Variants in INCA1 observed in about 807,000 individuals in gnomAD.
The protein encoded by INCA1 is inhibitor of CDK, cyclin A1 interacting protein 1, also known as protein INCA1.
In INCA1, 28 loss-of-function variants were observed where a neutral mutation model predicts 25.7. That is an observed-to-expected ratio of 1.09 (90% CI 0.81 to 1.49). INCA1 has a LOEUF of 1.49. Among genes scored for constraint, INCA1 ranks in the 40% most tolerant of loss-of-function variants. The pLI is 0.00. For missense variants in INCA1, 309 were observed against 290.9 expected, an observed-to-expected ratio of 1.06 and a Z score of -0.45; for synonymous variants, 111 against 103.6, an observed-to-expected ratio of 1.07 and a Z score of -0.43.
Position 4,988,924 on chromosome 17 carries a change from CCCCA to C in INCA1, c.412_415del (p.Trp138AlafsTer108). On this transcript the variant is annotated frameshift_variant, in exon 6 of 7. Coordinates refer to ENST00000576820, the Ensembl canonical transcript of INCA1. LOFTEE classifies it high-confidence loss of function. ...TGGCTCAGATGCAGCCCCAGAGCTG[CCCCA>C]CTGGGCCTTCTTCAGTCTGTGGAGA... 6.2e-7 allele frequency: 1 copy of C among 1,613,982 alleles called. No homozygotes were observed. Among genetic ancestry groups the C allele is most frequent in the Non-Finnish European group, 8.5e-7 (1 of 1,179,970 alleles).
chr17:4,991,327 A>C (rs1224021190), intron 2 of INCA1, among the ~76,000 whole-genome samples: 1 of 152,190 alleles, frequency 6.6e-6, no homozygotes, highest in African/African-American at 2.4e-5. Context: ...AGAGAAGGTA[A>C]TATTTAGCAA....
chr17:4,990,909 T>C (rs961169115), intron 2 of INCA1, among the ~76,000 whole-genome samples: 2 of 150,654 alleles, frequency 1.3e-5, no homozygotes, highest in African/African-American at 4.9e-5. Flanking sequence ...AAAAATCTCA[T>C]AATATTTTAT....
chr17:4,993,024 C>T (rs1353353981), intron 2 of INCA1, among the ~76,000 whole-genome samples: 3 of 151,882 alleles, frequency 2.0e-5, no homozygotes, highest in African/African-American at 7.3e-5. Flanking sequence ...GGATTATAGG[C>T]ACCCGCCACC....
chr17:4,988,153 CAG>C (rs778437617), downstream of INCA1: 5 of 387,316 alleles, frequency 1.3e-5, no homozygotes, highest in Non-Finnish European at 4.6e-6. Context: ...TTTTTAATAA[CAG>C]AGCAGAGAGA....
chr17:4,994,481 A>T lies in INCA1; in HGVS notation c.-38-6T>A. 6.2e-7 allele frequency: 1 copy of T among 1,605,474 alleles called. No individual in the cohort carries two copies. ...AGTTAGTCTCCTTTTTGGTGCTGGGAGGATAATGGAAAAGAAGTCATTCAT... is the reference window on the plus strand; with the variant it reads ...AGTTAGTCTCCTTTTTGGTGCTGGGTGGATAATGGAAAAGAAGTCATTCAT... On this transcript the variant is annotated splice_region_variant and splice_polypyrimidine_tract_variant and intron_variant, in intron 1 of 6. Transcript: ENST00000576820.
chr17:4,997,313 G>A (rs1011629436), upstream of INCA1, among the ~76,000 whole-genome samples: 1 of 152,194 alleles, frequency 6.6e-6, no homozygotes, highest in African/African-American at 2.4e-5. Context: ...CCAGGCTGAA[G>A]GGCAGGCTGG....
chr17:4,991,964 C>G (rs983282966), intron 2 of INCA1, among the ~76,000 whole-genome samples: 10 of 152,112 alleles, frequency 6.6e-5, no homozygotes, highest in Admixed American at 6.6e-5. Flanking sequence ...CTCTTCCCCC[C>G]GTCTCTGCTT....
At position 4,990,291 on chromosome 17, in the gene INCA1, G is replaced by A. The variant is rs141012260; in HGVS notation, c.45-26C>T. ...CTGAGGTGAGGACAAGGTAGGCTCGGGTCTGGCTCTTCCCTTACAGCAGTC... is the reference window on the plus strand; with the variant it reads ...CTGAGGTGAGGACAAGGTAGGCTCGAGTCTGGCTCTTCCCTTACAGCAGTC... On this transcript the variant is annotated intron_variant, in intron 2 of 6. Transcript: ENST00000576820. 102 of 1,598,970 alleles carry A rather than the reference G, an allele frequency of 6.4e-5. No individual in the cohort carries two copies. In the East Asian group the frequency reaches 2.2e-3, roughly 34 times the overall value.
intron 5 of INCA1, 40 bp downstream of exon 5, chr17:4,989,388 C>A: frequency 6.3e-7 from 1 of 1,576,518 alleles, no homozygotes; most frequent in South Asian, 1.1e-5. Flanking sequence ...GCCCCCAAAT[C>A]CTGCATGACT....
chr17:4,988,759 C>T lies in INCA1; in HGVS notation c.561+20G>A, dbSNP rs1464642472. ...ACCCACATCACTCCCTCACTCCACC[C>T]AGTTCCACTCCAACAATACCTGGGC... On this transcript the variant is annotated intron_variant, in intron 6 of 6. Transcript: ENST00000576820. 6.2e-7 allele frequency: 1 copy of T among 1,613,960 alleles called. No homozygotes were observed. The highest frequency in any genetic ancestry group is 8.5e-7 in the Non-Finnish European group (1 of 1,179,852).
chr17:4,990,061 C>G (rs1254028094), intron 3 of INCA1, 91 bp downstream of exon 3: 8 of 1,610,684 alleles, frequency 5.0e-6, no homozygotes, highest in Non-Finnish European at 6.8e-6. Flanking sequence ...GGAAATTAAC[C>G]GCAGACTAGG....
At chr17:4,989,301 C>G in intron 5 of INCA1, 127 bp downstream of exon 5, 1 of 879,522 alleles carries the variant, frequency 1.1e-6, no homozygotes, top group Middle Eastern at 3.4e-4. Context: ...CAGCTTCCTT[C>G]CAAGCAACCT....
At chr17:4,990,988 G>A (rs1419759997) in intron 2 of INCA1, among the ~76,000 whole-genome samples, 1 of 150,274 alleles carries the variant, frequency 6.7e-6, no homozygotes, top group Non-Finnish European at 1.5e-5. Context: ...GCACGATCTC[G>A]GCTCACTGCA....
intron 2 of INCA1, among the ~76,000 whole-genome samples, chr17:4,991,148 C>T (rs1433144575): frequency 6.6e-6 from 1 of 152,030 alleles, no homozygotes; most frequent in Non-Finnish European, 1.5e-5. Flanking sequence ...GAACTCCTGA[C>T]CTCAGGTGAT....
intron 4 of INCA1, 38 bp downstream of exon 4, chr17:4,989,852 T>G: frequency 6.2e-7 from 1 of 1,614,158 alleles, no homozygotes; most frequent in Non-Finnish European, 8.5e-7. Flanking sequence ...GGTGCAATTT[T>G]AACAGAGAAA....
At chr17:4,995,633 TA>T (rs1329103675) in intron 1 of INCA1, among the ~76,000 whole-genome samples, 20 of 147,030 alleles carry the variant, frequency 1.4e-4, no homozygotes, top group South Asian at 4.3e-4. Flanking sequence ...CATCTCTATT[TA>T]AAAAAAAAAA....
At chr17:4,995,098 C>A (rs932491883) in intron 1 of INCA1, among the ~76,000 whole-genome samples, 3 of 150,946 alleles carry the variant, frequency 2.0e-5, no homozygotes, top group Admixed American at 1.3e-4. Context: ...CCAGCTACTC[C>A]GGAGGCTGAG....
intron 5 of INCA1, among the ~76,000 whole-genome samples, 161 bp downstream of exon 5, chr17:4,989,267 C>T (rs540032079): frequency 6.6e-6 from 1 of 152,298 alleles, no homozygotes; most frequent in South Asian, 2.1e-4. Context: ...TTACAGAAAT[C>T]TGTTTCAATC....
At chr17:4,993,627 C>G (rs1306506689) in intron 2 of INCA1, among the ~76,000 whole-genome samples, 2 of 151,964 alleles carry the variant, frequency 1.3e-5, no homozygotes, top group Non-Finnish European at 2.9e-5. Flanking sequence ...CGCCACCACA[C>G]CCGGCTAATT....
Sources: allele counts gnomAD v4.1 joint callset (sites outside exome capture counted in the v4.1 genomes callset), GRCh38; gene constraint gnomAD v4.1.1; transcripts MANE v1.5; gene names NCBI Gene and HGNC (gene_info 2026-07-23, HGNC 2026-07-21).